ZNF746: variants seen among roughly 807,000 people sequenced by gnomAD.
ZNF746 encodes the protein zinc finger protein 746, also known as parkin-interacting substrate.
Under a neutral mutation model 41.0 loss-of-function variants are expected in ZNF746, and 13 were observed. The ratio of observed to expected loss-of-function variants is 0.32; its 90% CI spans 0.21 to 0.50. ZNF746 has a LOEUF of 0.50. Ranked by LOEUF, ZNF746 falls within the 20% of genes least tolerant of loss-of-function variation. The pLI, the probability that ZNF746 is intolerant of heterozygous loss-of-function variation, is 0.98. For synonymous variants in ZNF746, 424 were observed against 396.2 expected (o/e 1.07, Z -0.83); for missense variants, 811 against 922.9 (o/e 0.88, Z 1.57).
rs778452903 is a variant in ZNF746 at position 149,474,831 on chromosome 7, ACCG to A, written c.1533_1535del (p.Gly514del). 5 of 1,414,540 alleles carry A rather than the reference ACCG, an allele frequency of 3.5e-6. No homozygotes were observed. Among genetic ancestry groups the A allele is most frequent in the Admixed American group, 6.0e-5 (2 of 33,078 alleles). The allele number at this position is 1,414,540 out of a possible 1,614,324, so 87.6% of individuals were successfully genotyped here. ...GTGCGCTGCCCCCACCGCTGCCGCC[ACCG>A]CCGCCGCCACTGCCGCTGCCGCCAC... On this transcript the variant is annotated inframe_deletion, in exon 7 of 7. Transcript: ENST00000458143. This position sits in a 1 kb window ranked among gnomAD's most constrained non-coding sequence, Gnocchi z 6.3.
Position 149,492,637 on chromosome 7 carries a change from T to A in ZNF746, c.565+222A>T, listed in dbSNP as rs187871863. Among the ~76,000 whole-genome samples the A allele has an allele frequency of 2.2e-3, 337 of 152,316 alleles. 2 individuals are homozygous for A. The highest frequency in any genetic ancestry group is 7.4e-3 in the African/African-American group (306 of 41,574). ...CCTGCCTTTGTCTCTTCCTAAAAGATTAGGTTTGCCACCTGTTTCCCTGAC... is the reference window on the plus strand; with the variant it reads ...CCTGCCTTTGTCTCTTCCTAAAAGAATAGGTTTGCCACCTGTTTCCCTGAC... On this transcript the variant is annotated intron_variant, in intron 4 of 6. Coordinates refer to ENST00000458143, the MANE Select transcript of ZNF746 (RefSeq NM_001394198.1).
intron 4 of ZNF746, among the ~76,000 whole-genome samples, chr7:149,492,285 T>A (rs1202170949): frequency 1.3e-5 from 2 of 152,260 alleles, no homozygotes; most frequent in Admixed American, 6.5e-5. Flanking sequence ...ACCTTTATGA[T>A]GCTCCACTTC....
chr7:149,474,794 C>G lies in ZNF746; in HGVS notation c.1573G>C (p.Ala525Pro), dbSNP rs936642916. 1 of 1,533,876 alleles carries G rather than the reference C, an allele frequency of 6.5e-7. No individual in the cohort carries two copies. The highest frequency in any genetic ancestry group is 8.7e-7 in the Non-Finnish European group (1 of 1,143,964). The change falls in exon 7 of 7, where the codon GCC becomes CCC. Residue 525 changes from alanine (A) to proline (P), a missense_variant. By Grantham distance (27) the Ala-to-Pro change is conservative. This residue lies in a region of ZNF746 where 495 missense variants were observed against 481.6 expected (regional missense o/e 1.03). Transcript: ENST00000458143. The surrounding 1 kb of genome is among the most constrained non-coding windows in gnomAD (Gnocchi z 6.3). ...SGGGSARDGS[A>P]LRCGECGRCF... ...CGGCCGCACTCCCCACACCGAAGGG[C>G]GCTGCCATCCCGTGCGCTGCCCCCA...
chr7:149,479,755 C>T (rs540276321), intron 4 of ZNF746, among the ~76,000 whole-genome samples: 2 of 152,232 alleles, frequency 1.3e-5, no homozygotes, highest in East Asian at 3.9e-4. Flanking sequence ...GCTGAGTAGG[C>T]TGGGTACAGT....
At position 149,497,167 on chromosome 7, in the gene ZNF746, G is replaced by T; in HGVS notation, c.24+346C>A. ...GGAGATGGAGAGGGACCTACAGGCCGAGCGCCAGGCAGAGAAAGGAGCCGC... is the reference window on the plus strand; with the variant it reads ...GGAGATGGAGAGGGACCTACAGGCCTAGCGCCAGGCAGAGAAAGGAGCCGC... On this transcript the variant is annotated intron_variant, in intron 1 of 6. Coordinates refer to ENST00000458143, the MANE Select transcript of ZNF746 (RefSeq NM_001394198.1). The surrounding 1 kb of genome is among the most constrained non-coding windows in gnomAD (Gnocchi z 4.2). 1 of 985,332 alleles carries T rather than the reference G, an allele frequency of 1.0e-6. No homozygotes were observed. Among genetic ancestry groups the T allele is most frequent in the Non-Finnish European group, 1.2e-6 (1 of 829,904 alleles). 61.0% of individuals were successfully genotyped at this position (985,332 alleles called of 1,614,324 possible). A position where few individuals can be genotyped will look rare whatever the true frequency, so the allele number is the denominator to read the frequency against.
At chr7:149,491,825 T>A in intron 4 of ZNF746, 2 of 700,056 alleles carry the variant, frequency 2.9e-6, no homozygotes, top group Non-Finnish European at 5.2e-6. Flanking sequence ...TGCAGAGATG[T>A]GGTCTCCCTA....
chr7:149,494,477 C>T lies in ZNF746; in HGVS notation c.51G>A (p.Thr17=), dbSNP rs1000678. The T allele has an allele frequency of 0.013, 20,759 of 1,613,800 alleles. 1,296 individuals are homozygous for T. In the East Asian group the frequency reaches 0.22, roughly 17 times the overall value. The change falls in exon 2 of 7, where the codon ACG becomes ACA. Residue 17 remains threonine, a synonymous_variant. Transcript: ENST00000458143. This position sits in a 1 kb window ranked among gnomAD's most constrained non-coding sequence, Gnocchi z 5.6. ...APISPWTMAA[T]IQAMERKIES... ...CAATCTTCCTCTCCATGGCCTGAAT[C>T]GTGGCTGCCATCGTCCACGGAGAAA...
intron 4 of ZNF746, among the ~76,000 whole-genome samples, chr7:149,478,297 G>A (rs1035943092): frequency 6.6e-5 from 10 of 152,150 alleles, no homozygotes; most frequent in Non-Finnish European, 1.0e-4. Flanking sequence ...GAGTGTGGCC[G>A]AGCCGCCTGC....
At chr7:149,491,892 C>T (rs1225530431) in intron 4 of ZNF746, 3 of 701,334 alleles carry the variant, frequency 4.3e-6, no homozygotes, top group African/African-American at 1.7e-5. Flanking sequence ...CTGTGTCCAC[C>T]TGTCCTTCCC....
chr7:149,480,636 G>A (rs570817921), intron 4 of ZNF746, among the ~76,000 whole-genome samples: 2 of 152,130 alleles, frequency 1.3e-5, no homozygotes, highest in Admixed American at 6.5e-5. Flanking sequence ...GAGTTTCACT[G>A]TGTTGCCCAG....
Position 149,475,209 on chromosome 7 carries a change from C to T in ZNF746, c.1158G>A (p.Gly386=). The T allele has an allele frequency of 2.5e-6, 4 of 1,613,006 alleles. No homozygotes were observed. Among genetic ancestry groups the T allele is most frequent in the Non-Finnish European group, 3.4e-6 (4 of 1,179,806 alleles). The change falls in exon 7 of 7, where the codon GGG becomes GGA. Residue 386 remains glycine (G), a synonymous_variant. Transcript: ENST00000458143. ...PAVAQEETPP[G]DWLFGGVRWG... ...ACCGGACCCCTCCGAAGAGCCAGTC[C>T]CCAGGAGGGGTCTCCTCCTGGGCCA...
At chr7:149,496,808 C>T (rs1801011627) in intron 1 of ZNF746, 1 of 985,292 alleles carries the variant, frequency 1.0e-6, no homozygotes, top group Non-Finnish European at 1.2e-6. Context: ...AGCACTCACC[C>T]CTTTCTGTTT....
intron 4 of ZNF746, chr7:149,489,846 C>G (rs1247374321): frequency 6.6e-6 from 1 of 152,366 alleles, no homozygotes; most frequent in African/African-American, 2.4e-5. Flanking sequence ...AGAAGACAGA[C>G]CATTCAGGAC....
intron 4 of ZNF746, chr7:149,488,666 A>T (rs1253358556): frequency 6.6e-6 from 1 of 152,252 alleles, no homozygotes; most frequent in Non-Finnish European, 1.5e-5. Flanking sequence ...TCTCACCCCC[A>T]TCAGGTCGGC....
Position 149,474,535 on chromosome 7 carries a change from G to C in ZNF746, c.1832C>G (p.Pro611Arg). Reference sequence around the variant, plus strand: ...CGTCGGGAGTGGCTGGCCTCGGGCCGGGGTCTTGGCGCCCGCTGCATGGTT... The same window carrying C: ...CGTCGGGAGTGGCTGGCCTCGGGCCCGGGTCTTGGCGCCCGCTGCATGGTT... ...QRNHAAGAKTPARGQPLPTPP... is the reference protein window; with the variant it reads ...QRNHAAGAKTRARGQPLPTPP... The change falls in exon 7 of 7, where the codon CCG becomes CGG. Residue 611 changes from proline to arginine, a missense_variant. Physicochemically the swap from Pro to Arg is moderately radical, Grantham distance 103 (BLOSUM62 -2). This residue lies in a region of ZNF746 where 99 missense variants were observed against 80.3 expected (regional missense o/e 1.23). Transcript: ENST00000458143. This position sits in a 1 kb window ranked among gnomAD's most constrained non-coding sequence, Gnocchi z 6.3. 6.2e-7 allele frequency: 1 copy of C among 1,607,208 alleles called. No homozygotes were observed. The highest frequency in any genetic ancestry group is 8.5e-7 in the Non-Finnish European group (1 of 1,177,124).
At chr7:149,491,747 G>A in intron 4 of ZNF746, 3 of 622,416 alleles carry the variant, frequency 4.8e-6, no homozygotes, top group South Asian at 1.8e-5. Flanking sequence ...AGTGTCAGAC[G>A]AAAGGGAAAA....
At chr7:149,485,745 A>C (rs1800606327) in intron 4 of ZNF746, among the ~76,000 whole-genome samples, 1 of 152,260 alleles carries the variant, frequency 6.6e-6, no homozygotes, top group Non-Finnish European at 1.5e-5. Context: ...AGAATACGTA[A>C]AGAACACTAA....
intron 4 of ZNF746, among the ~76,000 whole-genome samples, chr7:149,478,916 C>T (rs190935107): frequency 6.6e-6 from 1 of 152,166 alleles, no homozygotes; most frequent in African/African-American, 2.4e-5. Context: ...CAACAACAGA[C>T]TGAACACAGC....
At position 149,497,179 on chromosome 7, in the gene ZNF746, G is replaced by A. The variant is rs1214173645; in HGVS notation, c.24+334C>T. 7 of 985,250 alleles carry A rather than the reference G, an allele frequency of 7.1e-6. No individual in the cohort carries two copies. In the East Asian group the frequency reaches 3.4e-4, roughly 48 times the overall value. 61.0% of individuals were successfully genotyped at this position (985,250 alleles called of 1,614,324 possible). A position where few individuals can be genotyped will look rare whatever the true frequency, so the allele number is the denominator to read the frequency against. ...GGACCTACAGGCCGAGCGCCAGGCA[G>A]AGAAAGGAGCCGCGGGTGGGGGGGC... On this transcript the variant is annotated intron_variant, in intron 1 of 6. Coordinates refer to ENST00000458143, the MANE Select transcript of ZNF746 (RefSeq NM_001394198.1). This position sits in a 1 kb window ranked among gnomAD's most constrained non-coding sequence, Gnocchi z 4.2.
Sources: gnomAD v4.1 joint callset for allele counts (sites outside exome capture counted in the v4.1 genomes callset) on GRCh38, gnomAD v4.1.1 for gene constraint, gnomAD v4.1.1 regional missense constraint, Gnocchi (gnomAD v3.1) non-coding constraint, MANE v1.5 for transcripts, NCBI Gene and HGNC (gene_info 2026-07-23, HGNC 2026-07-21) for gene names.